Variants in PKHD1 observed in about 807,000 individuals in gnomAD.
The protein encoded by PKHD1 is PKHD1 ciliary IPT domain containing fibrocystin/polyductin.
PKHD1 carries 291 observed loss-of-function variants against 412.0 expected under a neutral mutation model. The observed-to-expected ratio is 0.71, with a 90% CI of 0.64 to 0.78. The LOEUF (loss-of-function observed/expected upper bound fraction) is 0.78. PKHD1 is among the 30% of genes least tolerant of loss of function. The probability of loss-of-function intolerance (pLI) is 0.00; values close to 1 mark genes in which losing one functional copy is unlikely to be tolerated. For missense variants in PKHD1, 4,825 were observed against 4,950.7 expected (o/e 0.97, Z 0.76); for synonymous variants, 1,777 against 1,821.5 (o/e 0.98, Z 0.62).
intron 48 of PKHD1, among the ~76,000 whole-genome samples, chr6:51,862,002 A>G (rs956068676): frequency 1.3e-5 from 2 of 152,222 alleles, no homozygotes; most frequent in African/African-American, 2.4e-5. Context: ...ACCAGAAGGT[A>G]GACAGGTGGA....
intron 60 of PKHD1, among the ~76,000 whole-genome samples, chr6:51,683,845 A>T (rs1204815011): frequency 1.4e-5 from 2 of 144,012 alleles, no homozygotes; most frequent in African/African-American, 5.6e-5. Context: ...ATGGTTAAAA[A>T]TTAAACGAGA....
chr6:51,628,005 T>C (rs1288680891), intron 65 of PKHD1, among the ~76,000 whole-genome samples: 2 of 152,190 alleles, frequency 1.3e-5, no homozygotes, highest in Admixed American at 6.6e-5. Flanking sequence ...ATTTGTAATA[T>C]GGCAAAGTAA....
At chr6:51,902,410 G>A (rs552967009) in intron 43 of PKHD1, among the ~76,000 whole-genome samples, 96 of 152,264 alleles carry the variant, frequency 6.3e-4, no homozygotes, top group Non-Finnish European at 1.2e-3. Flanking sequence ...CCTACAGTCC[G>A]TGTAGTTCTG....
chr6:52,053,211 G>A lies in PKHD1; in HGVS notation c.2005C>T (p.Arg669Cys), dbSNP rs375547868. The change falls in exon 21 of 67, where the codon CGT becomes TGT. Residue 669 changes from arginine to cysteine, a missense_variant. Arg to Cys is a radical substitution (Grantham distance 180, BLOSUM62 -3). Transcript: ENST00000371117. ...DCTDLWETCV[R>C]CFGDLQPPPA... ...GGGGGCTGGAGATCCCCGAAGCAAC[G>A]CACACAAGTCTCCCAGAGGTCAGTG... 1.2e-4 allele frequency: 191 copies of A among 1,614,184 alleles called. No homozygotes were observed. Among genetic ancestry groups the A allele is most frequent in the Middle Eastern group, 1.6e-4 (1 of 6,062 alleles).
At chr6:51,948,337 C>T (rs564217076) in intron 36 of PKHD1, among the ~76,000 whole-genome samples, 1 of 152,222 alleles carries the variant, frequency 6.6e-6, no homozygotes, top group African/African-American at 2.4e-5. Context: ...CGTTGGTTCT[C>T]TCTGGCCCCA....
intron 48 of PKHD1, among the ~76,000 whole-genome samples, chr6:51,861,098 C>G (rs1774119053): frequency 1.3e-5 from 2 of 152,186 alleles, no homozygotes; most frequent in Non-Finnish European, 1.5e-5. Flanking sequence ...CAGGCGTGAG[C>G]CACCATGCCT....
intron 6 of PKHD1, among the ~76,000 whole-genome samples, chr6:52,074,327 C>T (rs1304223575): frequency 2.6e-5 from 4 of 152,144 alleles, no homozygotes; most frequent in South Asian, 4.1e-4. Flanking sequence ...ATGACTCTCA[C>T]TAAAACAACA....
At chr6:51,857,265 T>C (rs1160942618) in intron 48 of PKHD1, among the ~76,000 whole-genome samples, 2 of 152,090 alleles carry the variant, frequency 1.3e-5, no homozygotes, top group East Asian at 3.8e-4. Flanking sequence ...TTTGGTTTAG[T>C]TTTCATGAGA....
chr6:51,794,446 G>A (rs1332184047), intron 52 of PKHD1, among the ~76,000 whole-genome samples: 2 of 152,130 alleles, frequency 1.3e-5, no homozygotes, highest in African/African-American at 4.8e-5. Context: ...TGCATAGATT[G>A]CAAAATTTTT....
chr6:52,032,953 T>C (rs1803293510), intron 29 of PKHD1, 77 bp downstream of exon 29: 1 of 1,292,018 alleles, frequency 7.7e-7, no homozygotes, highest in Non-Finnish European at 1.1e-6. Flanking sequence ...ACAATAAATT[T>C]CAGAGGACAT....
In PKHD1 at chr6:51,967,312, T is replaced by C. The variant is rs147381009; in HGVS notation, c.5752-7286A>G. Among the ~76,000 whole-genome samples, 578 of 152,226 alleles carry C rather than the reference T, an allele frequency of 3.8e-3. 6 individuals carry two copies. The highest frequency in any genetic ancestry group is 0.013 in the African/African-American group (549 of 41,544). ...AACATGGCCCACAAAGCCTGAAATA[T>C]TTACTATCTGGCTCTTTATAGGAAA... On this transcript the variant is annotated intron_variant, in intron 35 of 66. Transcript: ENST00000371117.
intron 11 of PKHD1, among the ~76,000 whole-genome samples, chr6:52,068,458 A>G (rs1351704339): frequency 1.3e-5 from 2 of 152,258 alleles, no homozygotes; most frequent in African/African-American, 4.8e-5. Flanking sequence ...AGTGGCAAGA[A>G]GAGTGTGCTT....
At chr6:51,980,856 T>C (rs1206396391) in intron 35 of PKHD1, among the ~76,000 whole-genome samples, 2 of 152,236 alleles carry the variant, frequency 1.3e-5, no homozygotes, top group Non-Finnish European at 2.9e-5. Context: ...CCAAATATCA[T>C]TGAAATCTAT....
At position 52,035,717 on chromosome 6, in the gene PKHD1, C is replaced by A. The variant is rs1247363369; in HGVS notation, c.3102G>T (p.Gly1034=). ...VEPSRAADIG[G]LWATIRGSSL... is the part of the protein sequence containing the mutation. ...TAGAGCCTCGGATGGTGGCCCAGAG[C>A]CCTCCTGTAACAAAAACAGCATATT... is the stretch of plus-strand genomic sequence containing the variant. The change falls in exon 28 of 67, where the codon GGG becomes GGT. Residue 1034 remains glycine, a synonymous_variant. Transcript: ENST00000371117. 2 of 1,613,844 alleles carry A rather than the reference C, an allele frequency of 1.2e-6. No homozygotes were observed. The highest frequency in any genetic ancestry group is 1.7e-6 in the Non-Finnish European group (2 of 1,179,828).
chr6:51,861,561 A>T (rs1429254125), intron 48 of PKHD1, among the ~76,000 whole-genome samples: 1 of 152,240 alleles, frequency 6.6e-6, no homozygotes, highest in Admixed American at 6.5e-5. Context: ...AGGGGAAGAA[A>T]AATCAAAACT....
intron 48 of PKHD1, among the ~76,000 whole-genome samples, chr6:51,864,018 A>G (rs760686181): frequency 6.6e-6 from 1 of 152,188 alleles, no homozygotes; most frequent in African/African-American, 2.4e-5. Context: ...TACTGATTAG[A>G]GCAAGTATAA....
chr6:51,781,962 TAA>T (rs35073244), intron 53 of PKHD1, among the ~76,000 whole-genome samples: 5 of 148,784 alleles, frequency 3.4e-5, no homozygotes, highest in Middle Eastern at 3.5e-3. Flanking sequence ...GTTTTCTAAC[TAA>T]AAAAAAAAAT....
chr6:51,830,261 A>G (rs1768019174), intron 52 of PKHD1, among the ~76,000 whole-genome samples: 1 of 110,686 alleles, frequency 9.0e-6, no homozygotes, highest in Non-Finnish European at 1.9e-5. Context: ...TCCTTTAAAT[A>G]AGAAGATTTT....
intron 43 of PKHD1, among the ~76,000 whole-genome samples, chr6:51,889,752 T>C (rs935056280): frequency 4.6e-5 from 7 of 152,104 alleles, no homozygotes; most frequent in African/African-American, 1.7e-4. Context: ...CTACAGGTGA[T>C]TGAGAGAGTA....
Sources: allele counts gnomAD v4.1 joint callset (sites outside exome capture counted in the v4.1 genomes callset), GRCh38; gene constraint gnomAD v4.1.1; transcripts MANE v1.5; gene names NCBI Gene and HGNC (gene_info 2026-07-23, HGNC 2026-07-21).